Variants in ECT2L observed in about 807,000 individuals in gnomAD.
The protein encoded by ECT2L is epithelial cell transforming 2 like.
In ECT2L, 126 loss-of-function variants were observed where a neutral mutation model predicts 122.8. The ratio of observed to expected loss-of-function variants is 1.03; its 90% CI spans 0.89 to 1.19. The LOEUF is 1.19. Among genes scored for constraint, ECT2L ranks in the 50% most tolerant of loss-of-function variants. The probability of loss-of-function intolerance (pLI) is 0.00; values close to 1 mark genes in which losing one functional copy is unlikely to be tolerated. For synonymous variants in ECT2L, 385 were observed against 381.8 expected, an observed-to-expected ratio of 1.01 and a Z score of -0.10; for missense variants, 1,012 against 1,064.1, an observed-to-expected ratio of 0.95 and a Z score of 0.68.
chr6:138,892,476 T>C (rs1779062616), intron 20 of ECT2L, among the ~76,000 whole-genome samples: 1 of 152,118 alleles, frequency 6.6e-6, no homozygotes, highest in African/African-American at 2.4e-5. Context: ...TCAGTCTGTG[T>C]ATTTTGCCTC....
At chr6:138,890,028 CAT>C (rs1415160874) in intron 20 of ECT2L, among the ~76,000 whole-genome samples, 1 of 152,094 alleles carries the variant, frequency 6.6e-6, no homozygotes, top group Admixed American at 6.6e-5. Context: ...AATGAACAAA[CAT>C]GACTATGTTC....
At chr6:138,881,204 C>T (rs763998270) in intron 15 of ECT2L, 33 bp downstream of exon 15, 1 of 1,579,948 alleles carries the variant, frequency 6.3e-7, no homozygotes, top group Non-Finnish European at 8.6e-7. Context: ...TTTTAATATT[C>T]ATTGTGCACT....
At chr6:138,885,854 G>C (rs1425556017) in intron 18 of ECT2L, 24 bp downstream of exon 18, 1 of 1,606,002 alleles carries the variant, frequency 6.2e-7, no homozygotes. Context: ...AAGAATCTGT[G>C]TCCTTTAAAC....
At chr6:138,846,733 T>C in intron 8 of ECT2L, 56 bp downstream of exon 8, 1 of 1,410,638 alleles carries the variant, frequency 7.1e-7, no homozygotes, top group South Asian at 1.9e-5. Flanking sequence ...TTTTTGTTTT[T>C]TTTCATCTAG....
At chr6:138,897,870 G>A (rs767093221) in intron 20 of ECT2L, among the ~76,000 whole-genome samples, 8 of 151,942 alleles carry the variant, frequency 5.3e-5, no homozygotes, top group South Asian at 2.1e-4. Context: ...CTCTAATATC[G>A]GCATTGTCCC....
chr6:138,838,511 A>G lies in ECT2L; in HGVS notation c.339A>G (p.Glu113=), dbSNP rs532802319. The G allele has an allele frequency of 7.8e-5, 126 of 1,611,076 alleles. 1 individual carries two copies. The South Asian group carries it at 8.4e-4, about 11-fold the overall frequency. ...GCTGGCCCTGGAAGTTTTTAACTGAACAGGTTTACTATTTGCCACTTCCTA... is the reference window on the plus strand; with the variant it reads ...GCTGGCCCTGGAAGTTTTTAACTGAGCAGGTTTACTATTTGCCACTTCCTA... ...QVSWPWKFLT[E]QDCLWMPKCV... Residue 113 remains glutamate, a synonymous_variant, in exon 5 of 22, where the codon GAA becomes GAG. Transcript: ENST00000541398.
chr6:138,898,075 G>A (rs1466979633), intron 20 of ECT2L, among the ~76,000 whole-genome samples: 1 of 149,818 alleles, frequency 6.7e-6, no homozygotes, highest in South Asian at 2.1e-4. Flanking sequence ...AAAAAAAATT[G>A]CTCCCCTTCT....
intron 1 of ECT2L, among the ~76,000 whole-genome samples, chr6:138,803,468 G>A (rs1382819611): frequency 2.6e-5 from 4 of 152,006 alleles, no homozygotes; most frequent in Non-Finnish European, 5.9e-5. Context: ...ACAATTTTGC[G>A]AACTTGCTAA....
At chr6:138,810,821 G>T (rs957055736) in intron 1 of ECT2L, among the ~76,000 whole-genome samples, 6 of 152,264 alleles carry the variant, frequency 3.9e-5, no homozygotes, top group African/African-American at 1.4e-4. Flanking sequence ...GGATCAAAGG[G>T]AGCTATACCT....
intron 10 of ECT2L, 136 bp from the exon 11 acceptor site, chr6:138,862,491 C>T: frequency 1.3e-6 from 1 of 746,246 alleles, no homozygotes; most frequent in South Asian, 1.6e-5. Context: ...CCTCATGATC[C>T]CTCCTGCCAG....
At chr6:138,840,322 T>C (rs1776995446) in intron 5 of ECT2L, among the ~76,000 whole-genome samples, 1 of 152,122 alleles carries the variant, frequency 6.6e-6, no homozygotes, top group Non-Finnish European at 1.5e-5. Flanking sequence ...TAAACACATA[T>C]CTCACAAATC....
chr6:138,832,184 GTT>G (rs35891687), intron 4 of ECT2L, among the ~76,000 whole-genome samples: 11,636 of 144,638 alleles, frequency 0.08, 565 homozygotes, highest in East Asian at 0.21. Flanking sequence ...TCAAATGTCT[GTT>G]TTTTTTTTTT....
intron 14 of ECT2L, among the ~76,000 whole-genome samples, chr6:138,877,776 A>T (rs1352865707): frequency 6.6e-6 from 1 of 152,072 alleles, no homozygotes; most frequent in Non-Finnish European, 1.5e-5. Flanking sequence ...TCTACAAAAA[A>T]ATTACAAAAA....
chr6:138,822,986 C>A (rs568061269), intron 4 of ECT2L: 1 of 1,608,402 alleles, frequency 6.2e-7, no homozygotes, highest in South Asian at 1.1e-5. Context: ...ATGTGTACAT[C>A]CTGAATTTGG....
chr6:138,889,121 T>C (rs888904709), intron 20 of ECT2L, 90 bp downstream of exon 20: 53 of 554,726 alleles, frequency 9.6e-5, no homozygotes, highest in Non-Finnish European at 1.5e-4. Flanking sequence ...TTCAGTACAA[T>C]GTCTGACACA....
At chr6:138,891,390 GTA>G (rs772739192) in intron 20 of ECT2L, among the ~76,000 whole-genome samples, 16 of 152,156 alleles carry the variant, frequency 1.1e-4, no homozygotes, top group Non-Finnish European at 1.8e-4. Flanking sequence ...TCAGCTGAGA[GTA>G]TGTTATCTTT....
At position 138,886,958 on chromosome 6, in the gene ECT2L, C is replaced by T. The variant is rs374824667; in HGVS notation, c.2325+36C>T. The stretch of plus-strand genomic sequence containing the variant: ...TTAGGAACTTGCTGTATCTCATGCT[C>T]ATGAATACAACCTCCAGTCTTTTGC... On this transcript the variant is annotated intron_variant, in intron 19 of 21. Transcript: ENST00000541398. 11 of 1,536,056 alleles carry T rather than the reference C, an allele frequency of 7.2e-6. No homozygotes were observed. In the African/African-American group the frequency reaches 1.5e-4, roughly 21 times the overall value.
At chr6:138,879,414 G>C (rs1400121865) in intron 14 of ECT2L, 2 of 152,084 alleles carry the variant, frequency 1.3e-5, no homozygotes, top group Non-Finnish European at 2.9e-5. Context: ...GTATACTTAG[G>C]GCTGGAGGGA....
intron 4 of ECT2L, among the ~76,000 whole-genome samples, chr6:138,815,623 T>C (rs961160735): frequency 6.2e-4 from 95 of 152,364 alleles, no homozygotes; most frequent in African/African-American, 2.2e-3. Flanking sequence ...GAGCTGGGAC[T>C]TCATCAGTCC....
Sources: allele counts gnomAD v4.1 joint callset (sites outside exome capture counted in the v4.1 genomes callset), GRCh38; gene constraint gnomAD v4.1.1; transcripts MANE v1.5; gene names NCBI Gene and HGNC (gene_info 2026-07-23, HGNC 2026-07-21).